The following BIVM variants were observed in gnomAD, a reference collection of about 807,000 sequenced individuals.
BIVM encodes basic immunoglobulin-like variable motif-containing protein.
BIVM carries 31 observed loss-of-function variants against 61.4 expected under a neutral mutation model. The ratio of observed to expected loss-of-function variants is 0.51; its 90% CI spans 0.38 to 0.68. The LOEUF is 0.68. Ranked by LOEUF, BIVM falls within the 30% of genes least tolerant of loss-of-function variation. BIVM has a pLI of 0.00. For synonymous variants in BIVM, 189 were observed against 210.7 expected, an observed-to-expected ratio of 0.90 and a Z score of 0.89; for missense variants, 526 against 596.0, an observed-to-expected ratio of 0.88 and a Z score of 1.22.
intron 3 of BIVM, 119 bp from the exon 4 acceptor site, chr13:102,816,309 C>T: frequency 1.0e-6 from 1 of 982,456 alleles, no homozygotes; most frequent in Non-Finnish European, 1.4e-6. Context: ...TTTTTCTTTG[C>T]ACTTTCTCAG....
At position 102,816,460 on chromosome 13, in the gene BIVM, A is replaced by C; in HGVS notation, c.511A>C (p.Thr171Pro). The change falls in exon 4 of 11, where the codon ACT becomes CCT. Residue 171 changes from threonine to proline, a missense_variant. Thr to Pro is a conservative substitution (Grantham distance 38, BLOSUM62 -1). Coordinates refer to ENST00000257336, the MANE Select transcript of BIVM (RefSeq NM_017693.4). ...AAAGAAACAAGTTTCCAAGAGAAAA[A>C]CTTCAGATAAAAAGGGAAGATATCA... is the stretch of plus-strand genomic sequence containing the variant. The part of the protein sequence containing the change: ...NAKKQVSKRK[T>P]SDKKGRYQKE... 2 of 1,588,096 alleles carry C rather than the reference A, an allele frequency of 1.3e-6. No individual in the cohort carries two copies. The highest frequency in any genetic ancestry group is 1.7e-6 in the Non-Finnish European group (2 of 1,170,948).
chr13:102,821,897 A>G (rs758453596), intron 6 of BIVM, 50 bp downstream of exon 6: 3 of 1,586,842 alleles, frequency 1.9e-6, no homozygotes, highest in African/African-American at 2.7e-5. Context: ...TTTGCAAAAT[A>G]ATAATGATGT....
chr13:102,816,500 A>G lies in BIVM; in HGVS notation c.551A>G (p.Gln184Arg), dbSNP rs1879875620. Residue 184 changes from glutamine (Q) to arginine (R), a missense_variant, in exon 4 of 11, where the codon CAG (glutamine) becomes CGG (arginine). Gln to Arg is a conservative substitution (Grantham distance 43). Around this residue, in one of 3 missense-constraint regions of BIVM, gnomAD observed 312 missense variants for 343.8 expected, o/e 0.91. Coordinates refer to ENST00000257336, the MANE Select transcript of BIVM (RefSeq NM_017693.4). ...KKGRYQKECP[Q>R]HSPLEDIKQR... The stretch of plus-strand genomic sequence containing the variant: ...GGAAGATATCAGAAGGAATGTCCTC[A>G]GCATTCTCCTCTTGAAGATATTAAA... The G allele has an allele frequency of 6.3e-7, 1 of 1,595,966 alleles. No individual in the cohort carries two copies. The highest frequency in any genetic ancestry group is 1.4e-5 in the African/African-American group (1 of 73,928).
intron 9 of BIVM, among the ~76,000 whole-genome samples, chr13:102,835,218 A>G (rs1595365207): frequency 6.6e-6 from 1 of 152,114 alleles, no homozygotes; most frequent in East Asian, 1.9e-4. Context: ...GTCTCTACAA[A>G]AAAATTAAAA....
At chr13:102,806,252 C>A (rs12585841) in intron 2 of BIVM, among the ~76,000 whole-genome samples, 7,942 of 152,056 alleles carry the variant, frequency 0.052, 227 homozygotes, top group East Asian at 0.1. Flanking sequence ...TGCTTATTGG[C>A]CATTTATTTT....
At chr13:102,825,698 C>T (rs1329679484) in intron 7 of BIVM, among the ~76,000 whole-genome samples, 2 of 152,190 alleles carry the variant, frequency 1.3e-5, no homozygotes, top group African/African-American at 4.8e-5. Flanking sequence ...TGCTGTGGAG[C>T]ATGTGGAATG....
At chr13:102,812,646 C>T (rs1448099131) in intron 3 of BIVM, among the ~76,000 whole-genome samples, 1 of 152,120 alleles carries the variant, frequency 6.6e-6, no homozygotes. Context: ...TGATTTTCTA[C>T]ATTTCCCTGT....
At position 102,821,071 on chromosome 13, in the gene BIVM, T is replaced by G. The variant is rs769214128; in HGVS notation, c.640T>G (p.Cys214Gly). Residue 214 changes from cysteine to glycine, a missense_variant, in exon 5 of 11, where the codon TGT becomes GGT. Physicochemically the swap from Cys to Gly is radical, Grantham distance 159. Coordinates refer to ENST00000257336, the MANE Select transcript of BIVM (RefSeq NM_017693.4). Reference protein sequence around the residue: ...CISRPQYKTSCGISSLISCWN... With the variant: ...CISRPQYKTSGGISSLISCWN... ...AAGCCGACCACAGTATAAGACTTCT[T>G]GTGGCATCTCTTCATTAATTTCTTG... is the stretch of plus-strand genomic sequence containing the variant. The G allele has an allele frequency of 1.2e-6, 2 of 1,613,610 alleles. No homozygotes were observed. Among genetic ancestry groups the G allele is most frequent in the Admixed American group, 3.3e-5 (2 of 59,920 alleles).
chr13:102,815,902 C>T (rs1033520053), intron 3 of BIVM, among the ~76,000 whole-genome samples: 7 of 152,212 alleles, frequency 4.6e-5, no homozygotes, highest in Admixed American at 1.3e-4. Context: ...TTCATTCTGT[C>T]GTCTCTGTCG....
At chr13:102,825,796 G>A (rs952947496) in intron 7 of BIVM, among the ~76,000 whole-genome samples, 2 of 152,148 alleles carry the variant, frequency 1.3e-5, no homozygotes, top group Non-Finnish European at 2.9e-5. Flanking sequence ...GTGGTGTCCC[G>A]TGAAAACCTG....
intron 4 of BIVM, among the ~76,000 whole-genome samples, chr13:102,819,712 TTATCTATGTA>T (rs1304933440): frequency 1.3e-5 from 2 of 152,024 alleles, no homozygotes; most frequent in African/African-American, 4.8e-5. Context: ...TGACACACAT[TTATCTATGTA>T]ATAAAGCTGC....
chr13:102,820,920 A>C lies in BIVM; in HGVS notation c.606-117A>C, dbSNP rs1384150026. The C allele has an allele frequency of 7.8e-6, 7 of 893,468 alleles. No individual in the cohort carries two copies. In the African/African-American group the frequency reaches 1.2e-4, roughly 15 times the overall value. The allele number at this position is 893,468 out of a possible 1,614,324, so 55.3% of individuals were successfully genotyped here. ...AGTGAATATGGAAGATTTTACATTG[A>C]CTTAGGGGATCAAAGTTTTCATTAT... On this transcript the variant is annotated intron_variant, in intron 4 of 10. Coordinates refer to ENST00000257336, the MANE Select transcript of BIVM (RefSeq NM_017693.4).
intron 8 of BIVM, among the ~76,000 whole-genome samples, chr13:102,833,198 C>T (rs1879257718): frequency 1.3e-5 from 2 of 151,682 alleles, no homozygotes; most frequent in South Asian, 4.2e-4. Flanking sequence ...CATGCCACTG[C>T]ACTCCAGCCT....
intron 7 of BIVM, 44 bp downstream of exon 7, chr13:102,822,203 G>GCACA (rs762287096): frequency 1.2e-5 from 18 of 1,521,698 alleles, no homozygotes; most frequent in Non-Finnish European, 1.4e-5. Flanking sequence ...ATACACACAT[G>GCACA]CACACACACA....
intron 7 of BIVM, among the ~76,000 whole-genome samples, chr13:102,825,718 A>G (rs1880624269): frequency 6.6e-6 from 1 of 152,198 alleles, no homozygotes; most frequent in Non-Finnish European, 1.5e-5. Context: ...GTGGGATTTC[A>G]TATCTTTGTG....
Position 102,831,562 on chromosome 13 carries a change from T to C in BIVM, c.902-3T>C, listed in dbSNP as rs1368093039. 6.2e-7 allele frequency: 1 copy of C among 1,614,124 alleles called. No individual in the cohort carries two copies. The highest frequency in any genetic ancestry group is 1.1e-5 in the South Asian group (1 of 91,080). On this transcript the variant is annotated splice_polypyrimidine_tract_variant and splice_region_variant and intron_variant, in intron 7 of 10. Transcript: ENST00000257336. The stretch of plus-strand genomic sequence containing the variant: ...AGTTTGTGTGTTTGTTTGTTTTTAA[T>C]AGCTTCAGGGGCCCTGTCAAAGTTA...
At chr13:102,825,446 C>T (rs1566452311) in intron 7 of BIVM, among the ~76,000 whole-genome samples, 2 of 152,234 alleles carry the variant, frequency 1.3e-5, no homozygotes, top group South Asian at 4.1e-4. Flanking sequence ...TAGCTTGCTG[C>T]CCATTTCAAC....
At chr13:102,838,775 C>A (rs201571203) in intron 10 of BIVM, 36 bp downstream of exon 10, 1 of 1,584,812 alleles carries the variant, frequency 6.3e-7, no homozygotes, top group African/African-American at 1.4e-5. Context: ...AGGCATTTCC[C>A]AGCTGACCAA....
chr13:102,819,276 A>G (rs776671641), intron 4 of BIVM, among the ~76,000 whole-genome samples: 17 of 152,226 alleles, frequency 1.1e-4, no homozygotes, highest in Non-Finnish European at 2.4e-4. Context: ...TTTTTGCAAG[A>G]TGAAAAAGTT....
Sources: allele counts gnomAD v4.1 joint callset (sites outside exome capture counted in the v4.1 genomes callset), GRCh38; gene constraint gnomAD v4.1.1; regional missense constraint gnomAD v4.1.1; transcripts MANE v1.5; gene names NCBI Gene and HGNC (gene_info 2026-07-23, HGNC 2026-07-21).